Variants in PSD3 observed in about 807,000 individuals in gnomAD.
The protein encoded by PSD3 is PH and SEC7 domain-containing protein 3.
In PSD3, 49 loss-of-function variants were observed where a neutral mutation model predicts 105.5. The ratio of observed to expected loss-of-function variants is 0.46; its 90% CI spans 0.37 to 0.59. The LOEUF (loss-of-function observed/expected upper bound fraction) is 0.59. Ranked by LOEUF, PSD3 falls within the 20% of genes least tolerant of loss-of-function variation. The pLI is 0.00. For missense variants in PSD3, 1,561 were observed against 1,263.8 expected (o/e 1.24, Z -3.57); for synonymous variants, 557 against 457.8 (o/e 1.22, Z -2.77).
intron 9 of PSD3, among the ~76,000 whole-genome samples, chr8:18,658,196 T>C (rs1190814943): frequency 6.6e-6 from 1 of 152,238 alleles, no homozygotes; most frequent in Non-Finnish European, 1.5e-5. Flanking sequence ...TCATCCCTAT[T>C]CTTTTCAATT....
intron 4 of PSD3, among the ~76,000 whole-genome samples, chr8:18,858,551 CA>C (rs1312757017): frequency 2.0e-5 from 3 of 152,026 alleles, no homozygotes; most frequent in Non-Finnish European, 4.4e-5. Flanking sequence ...TTACCCACCA[CA>C]AAACTTTTTT....
chr8:18,573,980 C>G (rs1029123982), intron 13 of PSD3, among the ~76,000 whole-genome samples: 3 of 152,056 alleles, frequency 2.0e-5, no homozygotes, highest in Admixed American at 6.6e-5. Flanking sequence ...AGAAAACCCA[C>G]CTGAGAGGAG....
intron 9 of PSD3, among the ~76,000 whole-genome samples, chr8:18,739,825 C>T (rs1804421939): frequency 6.6e-6 from 1 of 152,154 alleles, no homozygotes; most frequent in Non-Finnish European, 1.5e-5. Context: ...ATTGACCTGG[C>T]TTTCTGGCTA....
intron 1 of PSD3, among the ~76,000 whole-genome samples, chr8:19,054,136 CG>C (rs1828627239): frequency 6.6e-6 from 1 of 152,172 alleles, no homozygotes; most frequent in African/African-American, 2.4e-5. Context: ...TCTCCTGCCG[CG>C]GGCTTGTTGC....
At chr8:18,829,570 T>C (rs1482675220) in intron 4 of PSD3, among the ~76,000 whole-genome samples, 1 of 152,194 alleles carries the variant, frequency 6.6e-6, no homozygotes, top group Admixed American at 6.5e-5. Flanking sequence ...CCTTGTACAC[T>C]ATGTGGTCTT....
chr8:18,803,966 C>T (rs893238181), intron 6 of PSD3, among the ~76,000 whole-genome samples: 3 of 140,844 alleles, frequency 2.1e-5, no homozygotes, highest in South Asian at 2.3e-4. Flanking sequence ...GATAAAAAAA[C>T]GAAAAACAGA....
intron 1 of PSD3, among the ~76,000 whole-genome samples, chr8:19,040,135 G>A (rs1278012260): frequency 1.3e-5 from 2 of 152,218 alleles, no homozygotes; most frequent in Non-Finnish European, 2.9e-5. Flanking sequence ...ACGATCTCAA[G>A]ATTCCTCTCA....
chr8:18,918,322 G>T (rs992395686), intron 2 of PSD3, among the ~76,000 whole-genome samples: 1 of 152,146 alleles, frequency 6.6e-6, no homozygotes, highest in African/African-American at 2.4e-5. Context: ...TCAGATCTCA[G>T]ATGTCACCTC....
chr8:18,719,583 A>T (rs1585720999), intron 9 of PSD3, among the ~76,000 whole-genome samples: 1 of 152,116 alleles, frequency 6.6e-6, no homozygotes, highest in South Asian at 2.1e-4. Flanking sequence ...CCAAATACTC[A>T]TTTACTCGTT....
chr8:19,045,645 C>T (rs564647287), intron 1 of PSD3, among the ~76,000 whole-genome samples: 2 of 152,288 alleles, frequency 1.3e-5, no homozygotes, highest in East Asian at 3.9e-4. Flanking sequence ...GTAATTATCC[C>T]TTACTTCAGG....
chr8:18,798,777 T>C (rs1215735205), intron 8 of PSD3, among the ~76,000 whole-genome samples: 2 of 152,158 alleles, frequency 1.3e-5, no homozygotes, highest in Admixed American at 6.6e-5. Context: ...AATTTATATA[T>C]AATTATACAT....
At chr8:19,025,679 A>C (rs996504731) in intron 1 of PSD3, among the ~76,000 whole-genome samples, 24 of 152,330 alleles carry the variant, frequency 1.6e-4, no homozygotes, top group Non-Finnish European at 3.5e-4. Context: ...TACTGTTGGC[A>C]TCTGAATTGG....
At chr8:18,814,294 C>G (rs887257872) in intron 4 of PSD3, among the ~76,000 whole-genome samples, 3 of 152,174 alleles carry the variant, frequency 2.0e-5, no homozygotes, top group Admixed American at 6.5e-5. Context: ...TTTTTCTCAG[C>G]CTTGCTTTCA....
chr8:18,875,068 A>C (rs1817641588), intron 2 of PSD3, among the ~76,000 whole-genome samples: 3 of 152,110 alleles, frequency 2.0e-5, no homozygotes, highest in Non-Finnish European at 4.4e-5. Context: ...ACAGGCATGC[A>C]CCATCATGTC....
At chr8:19,045,347 A>G (rs1359077270) in intron 1 of PSD3, among the ~76,000 whole-genome samples, 1 of 152,238 alleles carries the variant, frequency 6.6e-6, no homozygotes, top group Non-Finnish European at 1.5e-5. Context: ...TTCACAAGAC[A>G]ATAGAAAAAG....
intron 9 of PSD3, among the ~76,000 whole-genome samples, chr8:18,667,227 G>T (rs1365133714): frequency 4.6e-5 from 7 of 152,128 alleles, no homozygotes; most frequent in Non-Finnish European, 7.3e-5. Flanking sequence ...CTGTTTTACA[G>T]AGAACTGATT....
At chr8:18,917,228 T>C (rs1820681981) in intron 2 of PSD3, among the ~76,000 whole-genome samples, 1 of 152,216 alleles carries the variant, frequency 6.6e-6, no homozygotes, top group Admixed American at 6.5e-5. Flanking sequence ...TCATTATGTG[T>C]CCCTCGCATT....
intron 1 of PSD3, chr8:18,940,262 C>T (rs1367363467): frequency 6.6e-6 from 1 of 152,166 alleles, no homozygotes; most frequent in Non-Finnish European, 1.5e-5. Flanking sequence ...GGTCTTCGTA[C>T]TCTGTTGTAT....
intron 15 of PSD3, among the ~76,000 whole-genome samples, chr8:18,550,641 C>A (rs530050255): frequency 1.3e-5 from 2 of 152,184 alleles, no homozygotes; most frequent in South Asian, 4.2e-4. Flanking sequence ...ATTATCTAAC[C>A]CCAAAGCCTG....
Sources: allele counts gnomAD v4.1 joint callset (sites outside exome capture counted in the v4.1 genomes callset), GRCh38; gene constraint gnomAD v4.1.1; transcripts MANE v1.5; gene names NCBI Gene and HGNC (gene_info 2026-07-23, HGNC 2026-07-21).